Variants in MICU1 observed in about 807,000 individuals in gnomAD.
MICU1 encodes the protein calcium uptake protein 1, mitochondrial.
A neutral mutation model predicts 56.8 loss-of-function variants in MICU1; 45 were observed. That is an observed-to-expected ratio of 0.79 (90% CI 0.62 to 1.02). The LOEUF (loss-of-function observed/expected upper bound fraction) is 1.02, where lower values mean the gene tolerates loss of function less well. Among genes scored for constraint, MICU1 ranks in the 50% least tolerant of loss-of-function variants. The pLI is 0.00. For synonymous variants in MICU1, 186 were observed against 195.1 expected (o/e 0.95, Z 0.39); for missense variants, 504 against 587.1 (o/e 0.86, Z 1.46).
chr10:72,403,916 A>T (rs1393068299), intron 10 of MICU1, among the ~76,000 whole-genome samples: 1 of 151,226 alleles, frequency 6.6e-6, no homozygotes, highest in Non-Finnish European at 1.5e-5. Flanking sequence ...CAGCCTCCCA[A>T]AGTGCTGGGA....
At chr10:72,572,194 A>G (rs1315001344) in intron 1 of MICU1, among the ~76,000 whole-genome samples, 5 of 152,190 alleles carry the variant, frequency 3.3e-5, no homozygotes, top group Admixed American at 3.3e-4. Context: ...GGTTCCTTTT[A>G]TCTCTTTAGC....
At chr10:72,406,267 T>C (rs958192352) in intron 10 of MICU1, among the ~76,000 whole-genome samples, 1 of 152,048 alleles carries the variant, frequency 6.6e-6, no homozygotes, top group African/African-American at 2.4e-5. Flanking sequence ...AGCACAAATT[T>C]TAAAAATATA....
intron 8 of MICU1, among the ~76,000 whole-genome samples, chr10:72,428,800 T>C: frequency 6.6e-6 from 1 of 152,154 alleles, no homozygotes; most frequent in South Asian, 2.1e-4. Flanking sequence ...TCAGGAAATA[T>C]TTGACTGAGG....
At chr10:72,578,981 A>G (rs1840827296) in intron 1 of MICU1, among the ~76,000 whole-genome samples, 1 of 152,172 alleles carries the variant, frequency 6.6e-6, no homozygotes, top group African/African-American at 2.4e-5. Flanking sequence ...ATGCACTGGG[A>G]AACCAAAAAA....
intron 5 of MICU1, among the ~76,000 whole-genome samples, chr10:72,515,377 C>T (rs1158638351): frequency 6.6e-6 from 1 of 152,162 alleles, no homozygotes; most frequent in Non-Finnish European, 1.5e-5. Flanking sequence ...CCCGCTGTGT[C>T]ATTTTTTCTC....
intron 3 of MICU1, among the ~76,000 whole-genome samples, chr10:72,558,056 G>A (rs769998036): frequency 2.8e-4 from 42 of 152,188 alleles, no homozygotes; most frequent in Non-Finnish European, 5.6e-4. Flanking sequence ...AAACAACAAT[G>A]CAGGCAAAGC....
chr10:72,523,613 T>C (rs562085521), intron 5 of MICU1, among the ~76,000 whole-genome samples: 56 of 152,316 alleles, frequency 3.7e-4, no homozygotes, highest in African/African-American at 1.3e-3. Context: ...GTTATATTAG[T>C]TATTTTAAAC....
intron 4 of MICU1, among the ~76,000 whole-genome samples, chr10:72,543,542 C>A (rs183367654): frequency 2.7e-4 from 41 of 152,002 alleles, no homozygotes; most frequent in African/African-American, 9.6e-4. Flanking sequence ...CAATAAAGTA[C>A]TGTATGTAAG....
At chr10:72,492,275 TAG>T (rs1413626611) in intron 6 of MICU1, among the ~76,000 whole-genome samples, 1 of 152,020 alleles carries the variant, frequency 6.6e-6, no homozygotes, top group Non-Finnish European at 1.5e-5. Context: ...GTATTGCAAG[TAG>T]ACTAGAAAAG....
At chr10:72,442,958 T>A (rs1403960618) in intron 8 of MICU1, among the ~76,000 whole-genome samples, 1 of 152,164 alleles carries the variant, frequency 6.6e-6, no homozygotes, top group Non-Finnish European at 1.5e-5. Context: ...TGTTTCGTCA[T>A]GTTGGCCAGG....
chr10:72,577,645 C>G (rs1373094283), intron 1 of MICU1, among the ~76,000 whole-genome samples: 2 of 152,104 alleles, frequency 1.3e-5, no homozygotes, highest in African/African-American at 2.4e-5. Context: ...GAATAGCACA[C>G]TGGAATTCTA....
At chr10:72,509,391 G>A (rs751987907) in intron 5 of MICU1, 1 of 1,335,488 alleles carries the variant, frequency 7.5e-7, no homozygotes, top group East Asian at 4.7e-5. Context: ...ACTATCCAAT[G>A]GGTTACCTCT....
intron 8 of MICU1, among the ~76,000 whole-genome samples, chr10:72,427,628 A>G (rs1484654894): frequency 6.6e-6 from 1 of 151,850 alleles, no homozygotes; most frequent in Non-Finnish European, 1.5e-5. Flanking sequence ...GACCAGGTGT[A>G]GTGCCTCATG....
At chr10:72,383,607 T>C (rs1862791669) in intron 10 of MICU1, among the ~76,000 whole-genome samples, 1 of 152,216 alleles carries the variant, frequency 6.6e-6, no homozygotes. Context: ...AACCAGTTCC[T>C]TATTTATTCT....
intron 3 of MICU1, among the ~76,000 whole-genome samples, chr10:72,562,147 CTTTTTTTT>C (rs533702573): frequency 3.6e-5 from 3 of 82,650 alleles, no homozygotes; most frequent in Non-Finnish European, 4.4e-5. Flanking sequence ...TACATAAAAT[CTTTTTTTT>C]TTTTTTTTTT....
At chr10:72,586,018 T>C (rs1355988389) in intron 1 of MICU1, among the ~76,000 whole-genome samples, 13 of 130,856 alleles carry the variant, frequency 9.9e-5, no homozygotes, top group Admixed American at 7.7e-4. Context: ...TTTTTCTTTT[T>C]TTTTTTTTTT....
At chr10:72,393,387 C>T (rs1742038158) in intron 10 of MICU1, among the ~76,000 whole-genome samples, 1 of 152,052 alleles carries the variant, frequency 6.6e-6, no homozygotes, top group African/African-American at 2.4e-5. Context: ...TGACTTATAC[C>T]AGACCTAAGT....
chr10:72,586,699 T>C (rs1841072781), intron 1 of MICU1, among the ~76,000 whole-genome samples: 1 of 152,052 alleles, frequency 6.6e-6, no homozygotes, highest in African/African-American at 2.4e-5. Context: ...TATTTGATTA[T>C]TCACTTGGGA....
At chr10:72,495,619 T>A (rs1002384199) in intron 6 of MICU1, among the ~76,000 whole-genome samples, 75 of 144,932 alleles carry the variant, frequency 5.2e-4, no homozygotes, top group Non-Finnish European at 4.3e-4. Flanking sequence ...TGTACCATTG[T>A]ACTCCAGCCT....
Sources: gnomAD v4.1 joint callset for allele counts (sites outside exome capture counted in the v4.1 genomes callset) on GRCh38, gnomAD v4.1.1 for gene constraint, MANE v1.5 for transcripts, NCBI Gene and HGNC (gene_info 2026-07-23, HGNC 2026-07-21) for gene names.